Variants in PDE4B observed in about 807,000 individuals in gnomAD.
PDE4B encodes 3',5'-cyclic-AMP phosphodiesterase 4B.
A neutral mutation model predicts 82.2 loss-of-function variants in PDE4B; 20 were observed. The ratio of observed to expected loss-of-function variants is 0.24; its 90% CI spans 0.17 to 0.35. The LOEUF is 0.35. Among genes scored for constraint, PDE4B ranks in the 10% least tolerant of loss-of-function variants. The pLI is 1.00. For synonymous variants in PDE4B, 320 were observed against 318.9 expected (o/e 1.00, Z -0.04); for missense variants, 655 against 907.2 (o/e 0.72, Z 3.57).
chr1:65,972,226 A>ACAAG (rs1349878717), intron 3 of PDE4B, among the ~76,000 whole-genome samples: 2 of 152,188 alleles, frequency 1.3e-5, no homozygotes, highest in Non-Finnish European at 2.9e-5. Context: ...TCAGATAGCC[A>ACAAG]GTTGTTTTGG....
chr1:65,826,379 G>A (rs1489160107), intron 1 of PDE4B, among the ~76,000 whole-genome samples: 1 of 152,132 alleles, frequency 6.6e-6, no homozygotes, highest in Non-Finnish European at 1.5e-5. Flanking sequence ...CTGAGGCTGA[G>A]TGTGGCCTAG....
intron 7 of PDE4B, among the ~76,000 whole-genome samples, chr1:66,271,511 T>TAC (rs1241390171): frequency 1.3e-5 from 2 of 152,230 alleles, no homozygotes; most frequent in Non-Finnish European, 2.9e-5. Context: ...GGGACCTAGA[T>TAC]ACAGACACGT....
intron 1 of PDE4B, among the ~76,000 whole-genome samples, chr1:65,833,878 T>C (rs963134951): frequency 2.0e-5 from 3 of 152,222 alleles, no homozygotes; most frequent in African/African-American, 7.2e-5. Flanking sequence ...AACTAGGTAA[T>C]GACACTCAAA....
intron 7 of PDE4B, among the ~76,000 whole-genome samples, chr1:66,275,804 C>T (rs907091760): frequency 9.9e-5 from 15 of 152,156 alleles, no homozygotes; most frequent in Non-Finnish European, 1.6e-4. Flanking sequence ...GGGACTGTCC[C>T]CTCAAAATAG....
At chr1:66,083,737 A>G (rs949828354) in intron 3 of PDE4B, among the ~76,000 whole-genome samples, 4 of 152,144 alleles carry the variant, frequency 2.6e-5, no homozygotes, top group Non-Finnish European at 5.9e-5. Flanking sequence ...TTTAAGTTCT[A>G]TCTGTTTTGG....
chr1:66,030,037 GT>G (rs5774786), intron 3 of PDE4B, among the ~76,000 whole-genome samples: 31,741 of 144,260 alleles, frequency 0.22, 3,846 homozygotes, highest in Middle Eastern at 0.38. Context: ...TCTGTTGAGG[GT>G]TTTTTTTTTT....
intron 3 of PDE4B, among the ~76,000 whole-genome samples, chr1:66,054,651 A>G (rs953682958): frequency 6.6e-6 from 1 of 152,228 alleles, no homozygotes; most frequent in Non-Finnish European, 1.5e-5. Context: ...ACAGACTTGT[A>G]GTACAGATTG....
chr1:65,922,942 T>C (rs1350157914), intron 3 of PDE4B, among the ~76,000 whole-genome samples: 1 of 152,226 alleles, frequency 6.6e-6, no homozygotes, highest in Admixed American at 6.5e-5. Context: ...ACTAACTTAC[T>C]GCCATCTTTG....
At chr1:65,844,445 A>C (rs528193025) in intron 1 of PDE4B, among the ~76,000 whole-genome samples, 2 of 152,254 alleles carry the variant, frequency 1.3e-5, no homozygotes, top group Non-Finnish European at 1.5e-5. Context: ...ACTCTCGCAG[A>C]CCGTTGTGTT....
rs1443380120 is a variant in PDE4B, at chr1:66,171,665, G to A, written c.282-75795G>A. On this transcript the variant is annotated intron_variant, in intron 3 of 16. Transcript: ENST00000341517. ...TCAATACTGTTGAAAATTACAGCTTGTTTACCAGCTATATAACCTCAAGCA... is the reference window on the plus strand; with the variant it reads ...TCAATACTGTTGAAAATTACAGCTTATTTACCAGCTATATAACCTCAAGCA... 2.6e-5 allele frequency among the ~76,000 whole-genome samples: 4 copies of A among 152,136 alleles called. No homozygotes were observed. In the Middle Eastern group the frequency reaches 0.01, roughly 388 times the overall value.
chr1:65,992,511 T>C (rs1381723949), intron 3 of PDE4B: 1 of 162,220 alleles, frequency 6.2e-6, no homozygotes, highest in Non-Finnish European at 1.3e-5. Context: ...ATGCAGCTTG[T>C]TTAATAAGAT....
At chr1:65,942,372 T>A (rs905631892) in intron 3 of PDE4B, among the ~76,000 whole-genome samples, 1 of 151,972 alleles carries the variant, frequency 6.6e-6, no homozygotes. Context: ...CTTTTTTTTT[T>A]AAAGAATAAA....
chr1:66,062,695 A>G (rs1655639771), intron 3 of PDE4B, among the ~76,000 whole-genome samples: 1 of 152,100 alleles, frequency 6.6e-6, no homozygotes. Flanking sequence ...GTAGGATGCT[A>G]GGCAAGCTGA....
intron 16 of PDE4B, among the ~76,000 whole-genome samples, chr1:66,370,964 T>C (rs1159301170): frequency 6.6e-6 from 1 of 151,094 alleles, no homozygotes; most frequent in East Asian, 1.9e-4. Flanking sequence ...TCCCTGACTT[T>C]GCTGTGAAAC....
chr1:65,985,197 A>G (rs1219464282), intron 3 of PDE4B, among the ~76,000 whole-genome samples: 2 of 152,184 alleles, frequency 1.3e-5, no homozygotes, highest in Non-Finnish European at 2.9e-5. Flanking sequence ...CATAGTAGTA[A>G]AATATTAATT....
intron 3 of PDE4B, among the ~76,000 whole-genome samples, chr1:66,086,085 TGGA>T (rs1221640930): frequency 2.6e-5 from 4 of 152,098 alleles, no homozygotes; most frequent in African/African-American, 9.7e-5. Flanking sequence ...TAGGGATTCA[TGGA>T]GCCTATTTTA....
intron 1 of PDE4B, among the ~76,000 whole-genome samples, chr1:65,855,140 C>A (rs893423627): frequency 1.3e-5 from 2 of 148,650 alleles, no homozygotes; most frequent in African/African-American, 2.5e-5. Context: ...CTTATTTAAG[C>A]AGATATTATA....
chr1:66,184,655 G>A (rs1455815622), intron 3 of PDE4B, among the ~76,000 whole-genome samples: 1 of 152,024 alleles, frequency 6.6e-6, no homozygotes, highest in Non-Finnish European at 1.5e-5. Flanking sequence ...CACTTCACAT[G>A]GATACCACAT....
intron 3 of PDE4B, among the ~76,000 whole-genome samples, chr1:65,925,989 A>G (rs936387267): frequency 6.6e-6 from 1 of 152,020 alleles, no homozygotes; most frequent in African/African-American, 2.4e-5. Flanking sequence ...GTTTACTTCT[A>G]TTTTACCTTT....
Sources: allele counts gnomAD v4.1 joint callset (sites outside exome capture counted in the v4.1 genomes callset), GRCh38; gene constraint gnomAD v4.1.1; transcripts MANE v1.5; gene names NCBI Gene and HGNC (gene_info 2026-07-23, HGNC 2026-07-21).